Variants in DLC1 observed in about 807,000 individuals in gnomAD.
DLC1 encodes the protein rho GTPase-activating protein 7.
In DLC1, 54 loss-of-function variants were observed where a neutral mutation model predicts 140.3. The observed-to-expected ratio is 0.38, with a 90% CI of 0.31 to 0.48. The LOEUF is 0.48. Among genes scored for constraint, DLC1 ranks in the 20% least tolerant of loss-of-function variants. DLC1 has a pLI of 0.96. For missense variants in DLC1, 2,536 were observed against 1,907.0 expected (o/e 1.33, Z -6.14); for synonymous variants, 986 against 728.1 (o/e 1.35, Z -5.70).
intron 4 of DLC1, among the ~76,000 whole-genome samples, chr8:13,372,695 G>A (rs1835783160): frequency 6.6e-6 from 1 of 152,104 alleles, no homozygotes; most frequent in Admixed American, 6.5e-5. Flanking sequence ...ATTGATAGTG[G>A]AAAGTTCAAG....
intron 5 of DLC1, among the ~76,000 whole-genome samples, chr8:13,177,554 G>T (rs769707451): frequency 6.6e-6 from 1 of 152,112 alleles, no homozygotes; most frequent in Non-Finnish European, 1.5e-5. Context: ...ATACACTTGG[G>T]TTAAGTGGTT....
intron 1 of DLC1, chr8:13,559,074 C>A (rs1449525851): frequency 4.6e-5 from 7 of 152,232 alleles, no homozygotes; most frequent in African/African-American, 1.7e-4. Context: ...CAAGCAACTG[C>A]CTCTGCTAGC....
At chr8:13,211,467 T>C (rs1331264590) in intron 5 of DLC1, among the ~76,000 whole-genome samples, 2 of 152,318 alleles carry the variant, frequency 1.3e-5, no homozygotes, top group East Asian at 1.9e-4. Flanking sequence ...ACACTTGCAT[T>C]CTCTCCTGAG....
intron 5 of DLC1, among the ~76,000 whole-genome samples, chr8:13,265,656 G>T (rs915204257): frequency 3.3e-5 from 5 of 151,474 alleles, no homozygotes; most frequent in Non-Finnish European, 7.4e-5. Context: ...TAGGCTGTGG[G>T]TTTTTTTTCC....
At chr8:13,098,329 G>T in intron 10 of DLC1, 70 bp downstream of exon 10, 2 of 1,553,540 alleles carry the variant, frequency 1.3e-6, no homozygotes, top group Non-Finnish European at 1.8e-6. Flanking sequence ...TTTTACTGTG[G>T]GGACAACCTC....
At chr8:13,188,801 G>GTGTATATATATATATATATATATGTA in intron 5 of DLC1, among the ~76,000 whole-genome samples, 1 of 71,904 alleles carries the variant, frequency 1.4e-5, no homozygotes, top group Middle Eastern at 7.4e-3. Flanking sequence ...GTGTGTGTGT[G>GTGTATATATATATATATATATATGTA]TATATATATA....
rs191731850 is a variant in DLC1, at chr8:13,468,672, G to A, written c.1023+30377C>T. The stretch of plus-strand genomic sequence containing the variant: ...TTACAGAGGTGCATCAGCATGTCAG[G>A]CTGCCACTTTTTATTTCTAATATTA... On this transcript the variant is annotated intron_variant, in intron 2 of 17. Transcript: ENST00000276297. 6.7e-3 allele frequency among the ~76,000 whole-genome samples: 1,023 copies of A among 151,698 alleles called. 8 individuals are homozygous for A. Among genetic ancestry groups the A allele is most frequent in the Non-Finnish European group, 7.4e-3 (504 of 67,922 alleles).
At chr8:13,530,881 T>C (rs1803073675) in intron 1 of DLC1, among the ~76,000 whole-genome samples, 1 of 152,184 alleles carries the variant, frequency 6.6e-6, no homozygotes, top group Admixed American at 6.5e-5. Flanking sequence ...TATACAAATA[T>C]TTTACCATTT....
At chr8:13,214,401 C>G in intron 5 of DLC1, 1 of 425,710 alleles carries the variant, frequency 2.3e-6, no homozygotes, top group South Asian at 5.4e-5. Context: ...AGCCCACTCT[C>G]CTATTTGCTT....
intron 4 of DLC1, among the ~76,000 whole-genome samples, chr8:13,370,592 A>G (rs1054335257): frequency 1.3e-5 from 2 of 152,182 alleles, no homozygotes; most frequent in Non-Finnish European, 2.9e-5. Flanking sequence ...GCCTAAGCAT[A>G]TTAACGTGCA....
chr8:13,512,473 A>G (rs2117258021), intron 1 of DLC1, among the ~76,000 whole-genome samples: 1 of 152,336 alleles, frequency 6.6e-6, no homozygotes, highest in Non-Finnish European at 1.5e-5. Context: ...TTCTACAATT[A>G]AATGACTTTG....
intron 5 of DLC1, among the ~76,000 whole-genome samples, chr8:13,139,400 C>G (rs2128969275): frequency 6.6e-6 from 1 of 151,884 alleles, no homozygotes; most frequent in Admixed American, 6.6e-5. Context: ...CTTTTAAACC[C>G]CAACTATGAA....
At chr8:13,318,601 G>C (rs1832953621) in intron 4 of DLC1, among the ~76,000 whole-genome samples, 1 of 152,168 alleles carries the variant, frequency 6.6e-6, no homozygotes, top group Non-Finnish European at 1.5e-5. Flanking sequence ...AAGGAAGTTA[G>C]AAACTAAAGA....
chr8:13,457,825 C>T lies in DLC1; in HGVS notation c.1023+41224G>A, dbSNP rs115899574. Among the ~76,000 whole-genome samples the T allele has an allele frequency of 7.9e-3, 1,204 of 151,944 alleles. 12 individuals carry two copies. Among genetic ancestry groups the T allele is most frequent in the African/African-American group, 0.027 (1,099 of 41,448 alleles). The stretch of plus-strand genomic sequence containing the variant: ...CAAGGTAGCATCAAATTTTTGCTTG[C>T]GTAGAAGGAAGAAAAACATGAATTT... On this transcript the variant is annotated intron_variant, in intron 2 of 17. Transcript: ENST00000276297.
chr8:13,510,544 G>A (rs1490110363), intron 1 of DLC1, among the ~76,000 whole-genome samples: 1 of 152,096 alleles, frequency 6.6e-6, no homozygotes, highest in Non-Finnish European at 1.5e-5. Context: ...TGCCTAACAT[G>A]ACCTGGAAAT....
chr8:13,179,340 T>A (rs1451678301), intron 5 of DLC1, among the ~76,000 whole-genome samples: 2 of 152,164 alleles, frequency 1.3e-5, no homozygotes, highest in Non-Finnish European at 2.9e-5. Context: ...ATGCGGGTTT[T>A]AGTTAAAGAG....
intron 5 of DLC1, among the ~76,000 whole-genome samples, chr8:13,118,645 T>C (rs542870772): frequency 1.3e-5 from 2 of 152,336 alleles, no homozygotes; most frequent in South Asian, 2.1e-4. Context: ...TTCCAATTCA[T>C]AGGTCAAGAG....
chr8:13,479,859 G>A (rs1488786414), intron 2 of DLC1, among the ~76,000 whole-genome samples: 496 of 32,142 alleles, frequency 0.015, 52 homozygotes, highest in Non-Finnish European at 0.03. Flanking sequence ...AGAAGAAGAA[G>A]AGAAAAAGAA....
In DLC1 at chr8:13,090,422, G is replaced by C; in HGVS notation, c.3904C>G (p.Leu1302Val). Residue 1302 changes from leucine to valine, a missense_variant, in exon 15 of 18, where the codon CTG becomes GTG. Transcript: ENST00000276297. ...AGTGCTTCCAGAGTGAGGGGCTTCA[G>C]CTCTTGTTCGGTATAGGAATTACGA... ...RCRNSYTEQELKPLTLEALGH... is the reference protein window; with the variant it reads ...RCRNSYTEQEVKPLTLEALGH... The C allele has an allele frequency of 1.9e-6, 3 of 1,614,206 alleles. No homozygotes were observed. Among genetic ancestry groups the C allele is most frequent in the Non-Finnish European group, 2.5e-6 (3 of 1,180,048 alleles).
Sources: allele counts gnomAD v4.1 joint callset (sites outside exome capture counted in the v4.1 genomes callset), GRCh38; gene constraint gnomAD v4.1.1; transcripts MANE v1.5; gene names NCBI Gene and HGNC (gene_info 2026-07-23, HGNC 2026-07-21).